Variants in NCAM2 observed in about 807,000 individuals in gnomAD.
NCAM2 encodes the protein neural cell adhesion molecule 2.
NCAM2 carries 30 observed loss-of-function variants against 98.1 expected under a neutral mutation model. The observed-to-expected ratio is 0.31, with a 90% CI of 0.23 to 0.41. The LOEUF (loss-of-function observed/expected upper bound fraction) is 0.41, where lower values mean the gene tolerates loss of function less well. Among genes scored for constraint, NCAM2 ranks in the 10% least tolerant of loss-of-function variants. The pLI is 1.00. For synonymous variants in NCAM2, 368 were observed against 342.4 expected (o/e 1.07, Z -0.83); for missense variants, 867 against 1,005.8 (o/e 0.86, Z 1.87).
intron 1 of NCAM2, among the ~76,000 whole-genome samples, chr21:21,141,844 T>C (rs771398587): frequency 6.6e-5 from 10 of 152,216 alleles, no homozygotes; most frequent in Admixed American, 4.6e-4. Flanking sequence ...TGATTACTTT[T>C]AGTGGGAAAT....
chr21:21,048,021 G>A (rs2065033849), intron 1 of NCAM2, among the ~76,000 whole-genome samples: 1 of 152,054 alleles, frequency 6.6e-6, no homozygotes, highest in Admixed American at 6.5e-5. Context: ...GTCTCTTGTG[G>A]GAAAAATCCA....
At chr21:21,075,106 A>G (rs1221204631) in intron 1 of NCAM2, among the ~76,000 whole-genome samples, 1 of 152,176 alleles carries the variant, frequency 6.6e-6, no homozygotes, top group Non-Finnish European at 1.5e-5. Flanking sequence ...CAAATACTGC[A>G]TGTTCTCACT....
intron 8 of NCAM2, among the ~76,000 whole-genome samples, chr21:21,351,801 C>T (rs1347197887): frequency 2.0e-5 from 3 of 152,154 alleles, no homozygotes; most frequent in Non-Finnish European, 4.4e-5. Flanking sequence ...AGCCAGAGTG[C>T]AGTGGCACGA....
At chr21:21,301,538 CCCCCA>C (rs1030276490) in intron 5 of NCAM2, among the ~76,000 whole-genome samples, 36 of 96,912 alleles carry the variant, frequency 3.7e-4, no homozygotes, top group African/African-American at 1.4e-3. Context: ...CTCCCCCCTC[CCCCCA>C]CCCCACCACA....
intron 1 of NCAM2, among the ~76,000 whole-genome samples, chr21:21,087,625 T>C (rs2065930225): frequency 6.6e-6 from 1 of 152,162 alleles, no homozygotes; most frequent in East Asian, 1.9e-4. Context: ...TTAATTTGAG[T>C]GTGCCATCTG....
intron 16 of NCAM2, among the ~76,000 whole-genome samples, chr21:21,530,095 T>A (rs5021233): frequency 0.29 from 36,679 of 126,154 alleles, 6,875 homozygotes; most frequent in African/African-American, 0.42. Context: ...TTAATTTAAT[T>A]TAATTATATA....
At chr21:21,040,801 G>A (rs1445969740) in intron 1 of NCAM2, among the ~76,000 whole-genome samples, 1 of 152,138 alleles carries the variant, frequency 6.6e-6, no homozygotes, top group Non-Finnish European at 1.5e-5. Context: ...GGGAAAAGTT[G>A]GCTAATGGCT....
At chr21:21,064,985 G>C (rs62207569) in intron 1 of NCAM2, among the ~76,000 whole-genome samples, 3 of 151,878 alleles carry the variant, frequency 2.0e-5, no homozygotes, top group African/African-American at 7.3e-5. Context: ...TTCAAGAGCA[G>C]CCTGACCAAC....
intron 1 of NCAM2, among the ~76,000 whole-genome samples, chr21:21,161,379 CG>C (rs1569092882): frequency 6.6e-6 from 1 of 151,734 alleles, no homozygotes; most frequent in Admixed American, 6.6e-5. Context: ...TCAATAAACA[CG>C]AACTGTTTAC....
chr21:21,446,550 G>A (rs930938799), intron 12 of NCAM2, among the ~76,000 whole-genome samples: 4 of 151,988 alleles, frequency 2.6e-5, no homozygotes, highest in African/African-American at 9.7e-5. Context: ...GTTCAGGCCT[G>A]TGCAATCAGG....
At chr21:21,040,782 G>A (rs13052289) in intron 1 of NCAM2, among the ~76,000 whole-genome samples, 11,181 of 152,126 alleles carry the variant, frequency 0.073, 532 homozygotes, top group Non-Finnish European at 0.12. Flanking sequence ...GTAGGTGGGT[G>A]GGGTGATAGG....
intron 7 of NCAM2, among the ~76,000 whole-genome samples, chr21:21,335,937 G>T (rs1380601306): frequency 6.6e-6 from 1 of 152,142 alleles, no homozygotes; most frequent in Non-Finnish European, 1.5e-5. Context: ...ATCTGTGTCT[G>T]TAAGGGTGGA....
chr21:21,522,076 A>G (rs900665086), intron 16 of NCAM2, among the ~76,000 whole-genome samples: 1 of 148,160 alleles, frequency 6.7e-6, no homozygotes, highest in African/African-American at 2.5e-5. Flanking sequence ...TATATATTTT[A>G]TATATGAATC....
intron 16 of NCAM2, among the ~76,000 whole-genome samples, chr21:21,513,558 T>C (rs1988524267): frequency 6.6e-6 from 1 of 152,158 alleles, no homozygotes; most frequent in Non-Finnish European, 1.5e-5. Context: ...TCAGAAAATA[T>C]GCTTGATATG....
intron 16 of NCAM2, among the ~76,000 whole-genome samples, chr21:21,523,218 T>C (rs887162804): frequency 1.3e-5 from 2 of 152,146 alleles, no homozygotes; most frequent in Non-Finnish European, 2.9e-5. Context: ...CCATTTTTTG[T>C]TTTGGTTGCC....
chr21:21,290,678 A>G (rs575527715), intron 4 of NCAM2, among the ~76,000 whole-genome samples: 2 of 151,920 alleles, frequency 1.3e-5, no homozygotes, highest in African/African-American at 4.8e-5. Context: ...GAGCCTCTGA[A>G]TCTGTGCATT....
chr21:21,531,780 A>G (rs968338835), intron 16 of NCAM2, among the ~76,000 whole-genome samples: 2 of 150,912 alleles, frequency 1.3e-5, no homozygotes, highest in Non-Finnish European at 2.9e-5. Flanking sequence ...GGAGATGGAG[A>G]CCATCATGGC....
intron 1 of NCAM2, among the ~76,000 whole-genome samples, chr21:21,000,234 G>T (rs1273596595): frequency 1.3e-5 from 2 of 152,114 alleles, no homozygotes; most frequent in Non-Finnish European, 2.9e-5. Context: ...TGAGCACCAA[G>T]AAACAATCCC....
In NCAM2 at chr21:21,023,685, C is replaced by T. The variant is rs148525244; in HGVS notation, c.55+25067C>T. 4.4e-3 allele frequency among the ~76,000 whole-genome samples: 674 copies of T among 152,038 alleles called. 5 individuals are homozygous for T. Among genetic ancestry groups the T allele is most frequent in the African/African-American group, 0.015 (612 of 41,466 alleles). ...TATTTTAAATTAGCCATGGAAACAG[C>T]CTGGAGCTTAGTGGATTGTATTTGC... On this transcript the variant is annotated intron_variant, in intron 1 of 17. Coordinates refer to ENST00000400546, the MANE Select transcript of NCAM2 (RefSeq NM_004540.5).
Sources: gnomAD v4.1 joint callset for allele counts (sites outside exome capture counted in the v4.1 genomes callset) on GRCh38, gnomAD v4.1.1 for gene constraint, MANE v1.5 for transcripts, NCBI Gene and HGNC (gene_info 2026-07-23, HGNC 2026-07-21) for gene names.